PRXL2C: variants seen among roughly 807,000 people sequenced by gnomAD.
PRXL2C encodes the protein peroxiredoxin like 2C.
A neutral mutation model predicts 24.9 loss-of-function variants in PRXL2C; 38 were observed. That is an observed-to-expected ratio of 1.53 (90% CI 1.18 to 2.00). The LOEUF (loss-of-function observed/expected upper bound fraction) is 2.00, where lower values mean the gene tolerates loss of function less well. Ranked by LOEUF, PRXL2C falls within the 30% of genes most tolerant of loss-of-function variation. PRXL2C has a pLI of 0.00. For missense variants in PRXL2C, 294 were observed against 290.9 expected (o/e 1.01, Z -0.08); for synonymous variants, 98 against 117.2 (o/e 0.84, Z 1.06).
At chr9:96,642,465 A>G (rs1428402964) in intron 5 of PRXL2C, among the ~76,000 whole-genome samples, 1 of 152,098 alleles carries the variant, frequency 6.6e-6, no homozygotes, top group Non-Finnish European at 1.5e-5. Context: ...TAAATTTACA[A>G]TCTAGTTTCT....
At chr9:96,653,513 TCTG>T (rs1273154167) in intron 2 of PRXL2C, among the ~76,000 whole-genome samples, 2 of 152,158 alleles carry the variant, frequency 1.3e-5, no homozygotes, top group African/African-American at 4.8e-5. Flanking sequence ...CTTTTAGAGA[TCTG>T]CTGCACACCA....
chr9:96,652,516 G>A (rs1235588427), intron 2 of PRXL2C, among the ~76,000 whole-genome samples: 2 of 129,284 alleles, frequency 1.5e-5, no homozygotes, highest in East Asian at 4.3e-4. Context: ...ATAAGACTCC[G>A]CCTCAAAAAA....
Position 96,641,747 on chromosome 9 carries a change from G to A in PRXL2C, c.*12C>T, listed in dbSNP as rs372486104. 6.4e-7 allele frequency: 1 copy of A among 1,554,656 alleles called. No homozygotes were observed. The highest frequency in any genetic ancestry group is 8.8e-7 in the Non-Finnish European group (1 of 1,138,102). On this transcript the variant is annotated 3_prime_UTR_variant, in exon 6 of 6. Coordinates refer to ENST00000375234, the MANE Select transcript of PRXL2C (RefSeq NM_153698.2). ...AGAAGGTCCAGTTGAAAGTGACTGA[G>A]TGCATTTTAAGTCACACATGGATAA...
At chr9:96,653,276 AAAAG>A (rs1376773562) in intron 2 of PRXL2C, among the ~76,000 whole-genome samples, 1 of 152,122 alleles carries the variant, frequency 6.6e-6, no homozygotes, top group East Asian at 1.9e-4. Context: ...TTGGTCATAA[AAAAG>A]AAAGACATTT....
chr9:96,643,101 C>T lies in PRXL2C; in HGVS notation c.554-1215G>A, dbSNP rs118136210. 9.2e-4 allele frequency among the ~76,000 whole-genome samples: 140 copies of T among 152,246 alleles called. 3 individuals are homozygous for T. In the East Asian group the frequency reaches 0.025, roughly 27 times the overall value. On this transcript the variant is annotated intron_variant, in intron 5 of 5. Transcript: ENST00000375234. Reference sequence around the variant, plus strand: ...GACGTGCATAGGTTAGATCCAAATACTACAGCATTTTATGTGAGACACTTG... The same window carrying T: ...GACGTGCATAGGTTAGATCCAAATATTACAGCATTTTATGTGAGACACTTG...
chr9:96,654,980 C>T, intron 1 of PRXL2C, 110 bp downstream of exon 1: 2 of 1,308,874 alleles, frequency 1.5e-6, no homozygotes, highest in Non-Finnish European at 2.0e-6. Flanking sequence ...CGCGACTGGG[C>T]AGGCTGCCTT....
chr9:96,651,267 G>A (rs1848261194), intron 4 of PRXL2C, 123 bp downstream of exon 4: 1 of 691,150 alleles, frequency 1.4e-6, no homozygotes, highest in East Asian at 2.8e-5. Context: ...AACAGAGTGA[G>A]ACTCCATCTC....
rs1848196533 is a variant in PRXL2C at position 96,645,961 on chromosome 9, A to C, written c.485T>G (p.Val162Gly). 1 of 1,613,748 alleles carries C rather than the reference A, an allele frequency of 6.2e-7. No individual in the cohort carries two copies. The highest frequency in any genetic ancestry group is 8.5e-7 in the Non-Finnish European group (1 of 1,179,956). Residue 162 changes from valine (V) to glycine (G), a missense_variant, in exon 5 of 6, where the codon GTG (valine) becomes GGG (glycine). Transcript: ENST00000375234. ...TTGAAAATCAAAGAGAGGGCCAGTC[A>C]CTGCCCGCCACAGGCTCTGAAGGCT... Reference protein sequence around the residue: ...SGSLQSLWRAVTGPLFDFQGD... With the variant: ...SGSLQSLWRAGTGPLFDFQGD...
Position 96,651,647 on chromosome 9 carries a change from CTAGA to C in PRXL2C, c.315+8_315+11del. 6.2e-7 allele frequency: 1 copy of C among 1,602,312 alleles called. No homozygotes were observed. The highest frequency in any genetic ancestry group is 8.5e-7 in the Non-Finnish European group (1 of 1,171,350). ...TTTTATTCATTAGTCTCCCAATGTA[CTAGA>C]TATTTACCTCAATATGATGGTAGGA... On this transcript the variant is annotated splice_region_variant and intron_variant, in intron 3 of 5. Transcript: ENST00000375234.
In PRXL2C at chr9:96,641,576, A is replaced by G. The variant is rs1483242873; in HGVS notation, c.*183T>C. 10 of 430,520 alleles carry G rather than the reference A, an allele frequency of 2.3e-5. No individual in the cohort carries two copies. The highest frequency in any genetic ancestry group is 1.6e-4 in the African/African-American group (8 of 49,186). 26.7% of individuals were successfully genotyped at this position (430,520 alleles called of 1,614,324 possible). ...AAGTTATAAAATGGAAGTATATAAC[A>G]TATTTTGACAACTGATGCTTCCCAG... On this transcript the variant is annotated 3_prime_UTR_variant, in exon 6 of 6. Transcript: ENST00000375234.
At chr9:96,643,475 C>T (rs925075217) in intron 5 of PRXL2C, among the ~76,000 whole-genome samples, 1 of 152,038 alleles carries the variant, frequency 6.6e-6, no homozygotes, top group Admixed American at 6.6e-5. Flanking sequence ...CTCGATCTCC[C>T]GACCTTGTGA....
Position 96,655,118 on chromosome 9 carries a change from TC to T in PRXL2C, c.163del (p.Glu55SerfsTer21). On this transcript the variant is annotated frameshift_variant, in exon 1 of 6. Transcript: ENST00000375234. LOFTEE classifies it high-confidence loss of function. ...QRVPFGALFR[E>X]RRAVVVFVRH... ...CACGAACACCACCACGGCGCGGCGC[TC>T]CCGGAACAGCGCGCCGAACGGTACC... The T allele has an allele frequency of 7.1e-7, 1 of 1,408,830 alleles. No individual in the cohort carries two copies. The highest frequency in any genetic ancestry group is 9.2e-7 in the Non-Finnish European group (1 of 1,084,740). 87.3% of individuals were successfully genotyped at this position (1,408,830 alleles called of 1,614,324 possible). A position where few individuals can be genotyped will look rare whatever the true frequency, so the allele number is the denominator to read the frequency against.
intron 4 of PRXL2C, among the ~76,000 whole-genome samples, 186 bp from the exon 5 acceptor site, chr9:96,646,210 C>G (rs1848200208): frequency 6.6e-6 from 1 of 152,120 alleles, no homozygotes; most frequent in South Asian, 2.1e-4. Context: ...AACATCCTTG[C>G]CTTCTATACC....
chr9:96,650,955 T>G (rs1460976279), intron 4 of PRXL2C, among the ~76,000 whole-genome samples: 1 of 152,182 alleles, frequency 6.6e-6, no homozygotes, highest in Non-Finnish European at 1.5e-5. Context: ...AAAATGAATC[T>G]TCTGGAGCCT....
chr9:96,641,593 G>A lies in PRXL2C; in HGVS notation c.*166C>T. 2.0e-6 allele frequency: 1 copy of A among 500,110 alleles called. No homozygotes were observed. The highest frequency in any genetic ancestry group is 3.3e-6 in the Non-Finnish European group (1 of 307,662). The allele number at this position is 500,110 out of a possible 1,614,324, so 31.0% of individuals were successfully genotyped here. On this transcript the variant is annotated 3_prime_UTR_variant, in exon 6 of 6. Transcript: ENST00000375234. Reference sequence around the variant, plus strand: ...TATATAACATATTTTGACAACTGATGCTTCCCAGCATGCAATTCAACAGGT... The same window carrying A: ...TATATAACATATTTTGACAACTGATACTTCCCAGCATGCAATTCAACAGGT...
chr9:96,646,992 G>C lies in PRXL2C; in HGVS notation c.422-968C>G, dbSNP rs547479380. Among the ~76,000 whole-genome samples, 4 of 152,118 alleles carry C rather than the reference G, an allele frequency of 2.6e-5. No homozygotes were observed. In the South Asian group the frequency reaches 8.3e-4, roughly 32 times the overall value. ...TTTAGTACAGATGGGGTTTCTCCAC[G>C]TTGGTCAGGCTGGTCTCAAACTCCT... On this transcript the variant is annotated intron_variant, in intron 4 of 5. Transcript: ENST00000375234.
Position 96,646,016 on chromosome 9 carries a change from G to A in PRXL2C, c.430C>T (p.Pro144Ser), listed in dbSNP as rs771322700. ...GAGAGTAGATTTGATTTTATGTGGG[G>A]GCTCTGTCCTGAAATGTCGAAAATT... Reference protein sequence around the residue: ...GEEIASSGQSPHIKSNLLSGS... With the variant: ...GEEIASSGQSSHIKSNLLSGS... Residue 144 changes from proline (P) to serine (S), a missense_variant, in exon 5 of 6, where the codon CCC becomes TCC. Physicochemically the swap from Pro to Ser is moderately conservative, Grantham distance 74. Coordinates refer to ENST00000375234, the MANE Select transcript of PRXL2C (RefSeq NM_153698.2). 42 of 1,609,612 alleles carry A rather than the reference G, an allele frequency of 2.6e-5. No individual in the cohort carries two copies. Among genetic ancestry groups the A allele is most frequent in the Non-Finnish European group, 8.5e-6 (10 of 1,178,468 alleles).
intron 2 of PRXL2C, among the ~76,000 whole-genome samples, chr9:96,652,991 G>T (rs1483101622): frequency 6.6e-6 from 1 of 152,164 alleles, no homozygotes; most frequent in African/African-American, 2.4e-5. Context: ...ACTTTGGGAG[G>T]CCAAGGCGGG....
intron 2 of PRXL2C, among the ~76,000 whole-genome samples, chr9:96,653,053 C>T (rs976858322): frequency 2.0e-5 from 3 of 152,016 alleles, no homozygotes; most frequent in African/African-American, 4.8e-5. Flanking sequence ...CGGTGAAACC[C>T]GTCTCTACTA....
Sources: allele counts gnomAD v4.1 joint callset (sites outside exome capture counted in the v4.1 genomes callset), GRCh38; gene constraint gnomAD v4.1.1; transcripts MANE v1.5; gene names NCBI Gene and HGNC (gene_info 2026-07-23, HGNC 2026-07-21).